The following KATNAL1 variants were observed in gnomAD, a reference collection of about 807,000 sequenced individuals.
KATNAL1 encodes the protein katanin catalytic subunit A1 like 1.
A neutral mutation model predicts 55.2 loss-of-function variants in KATNAL1; 32 were observed. That is an observed-to-expected ratio of 0.58 (90% CI 0.44 to 0.78). KATNAL1 has a LOEUF of 0.78. Ranked by LOEUF, KATNAL1 falls within the 30% of genes least tolerant of loss-of-function variation. The pLI, the probability that KATNAL1 is intolerant of heterozygous loss-of-function variation, is 0.00. For synonymous variants in KATNAL1, 193 were observed against 193.6 expected (o/e 1.00, Z 0.02); for missense variants, 466 against 600.9 (o/e 0.78, Z 2.35).
chr13:30,306,264 T>C (rs1428515963), intron 1 of KATNAL1, among the ~76,000 whole-genome samples: 2 of 152,188 alleles, frequency 1.3e-5, no homozygotes, highest in Non-Finnish European at 2.9e-5. Context: ...ATAAAAAATA[T>C]ATAAAGAATT....
intron 4 of KATNAL1, 78 bp downstream of exon 4, chr13:30,255,369 A>C (rs1323901588): frequency 8.2e-7 from 1 of 1,224,142 alleles, no homozygotes; most frequent in Non-Finnish European, 1.1e-6. Context: ...GGGTATCTTG[A>C]AAAGCCAACA....
intron 3 of KATNAL1, among the ~76,000 whole-genome samples, chr13:30,274,598 G>GT (rs984539865): frequency 3.3e-5 from 5 of 152,144 alleles, no homozygotes; most frequent in African/African-American, 1.2e-4. Context: ...CCCAAAAGAT[G>GT]TAACTTTGAA....
intron 3 of KATNAL1, among the ~76,000 whole-genome samples, chr13:30,267,625 C>T (rs1032109469): frequency 1.3e-5 from 2 of 152,168 alleles, no homozygotes; most frequent in Non-Finnish European, 2.9e-5. Context: ...AATAGAACTA[C>T]AAAAATAATA....
chr13:30,235,197 G>GA (rs1419640021), intron 6 of KATNAL1, among the ~76,000 whole-genome samples: 1 of 152,050 alleles, frequency 6.6e-6, no homozygotes, highest in African/African-American at 2.4e-5. Flanking sequence ...TAATTTTAAA[G>GA]AAAAAAAGGT....
rs1042366441 is a variant in KATNAL1 at position 30,203,029 on chromosome 13, T to C, written c.*5511A>G. On this transcript the variant is annotated 3_prime_UTR_variant, in exon 11 of 11. Transcript: ENST00000380615. ...TTTTTAGAGAATGAACATAGGAACA[T>C]GTAGGATCCACAATTTTTAATGTCA... 2.6e-5 allele frequency: 4 copies of C among 152,244 alleles called. No homozygotes were observed. Among genetic ancestry groups the C allele is most frequent in the Admixed American group, 6.5e-5 (1 of 15,278 alleles). 9.4% of individuals were successfully genotyped at this position (152,244 alleles called of 1,614,324 possible).
chr13:30,271,827 G>A (rs1178703161), intron 3 of KATNAL1, among the ~76,000 whole-genome samples: 1 of 132,334 alleles, frequency 7.6e-6, no homozygotes, highest in African/African-American at 2.8e-5. Flanking sequence ...GGACTAGGGA[G>A]CAACAAGTGG....
intron 9 of KATNAL1, among the ~76,000 whole-genome samples, chr13:30,219,333 T>G (rs1461592274): frequency 6.6e-6 from 1 of 152,220 alleles, no homozygotes; most frequent in East Asian, 1.9e-4. Flanking sequence ...CTATTCATTT[T>G]CAAGCACCCA....
chr13:30,251,521 A>G (rs573260821), intron 4 of KATNAL1, among the ~76,000 whole-genome samples: 1 of 152,298 alleles, frequency 6.6e-6, no homozygotes, highest in South Asian at 2.1e-4. Flanking sequence ...TCCATCCTGT[A>G]AGGACACATA....
At chr13:30,242,413 C>T (rs1055935448) in intron 4 of KATNAL1, among the ~76,000 whole-genome samples, 1 of 152,138 alleles carries the variant, frequency 6.6e-6, no homozygotes, top group East Asian at 1.9e-4. Context: ...GCATCTTCTA[C>T]GTGCAATACA....
intron 3 of KATNAL1, among the ~76,000 whole-genome samples, chr13:30,278,114 C>A (rs1881001885): frequency 6.6e-6 from 1 of 151,122 alleles, no homozygotes. Context: ...CTATTAATCC[C>A]ATGCTATTAC....
rs1415059283 is a variant in KATNAL1 at position 30,269,931 on chromosome 13, G to A, written c.323+10132C>T. 9.5e-3 allele frequency among the ~76,000 whole-genome samples: 1,411 copies of A among 148,378 alleles called. 19 individuals are homozygous for A. Among genetic ancestry groups the A allele is most frequent in the African/African-American group, 0.032 (1,283 of 40,070 alleles). On this transcript the variant is annotated intron_variant, in intron 3 of 10. Transcript: ENST00000380615. ...AGCCCCCTGCCCGGCCAGCCGCCCC[G>A]TCCGGGAGGTGAGGGGCACCTCTGC...
intron 1 of KATNAL1, among the ~76,000 whole-genome samples, chr13:30,295,575 G>A (rs1318250041): frequency 6.6e-6 from 1 of 151,964 alleles, no homozygotes; most frequent in Non-Finnish European, 1.5e-5. Context: ...ACCAGCCTGG[G>A]CAACACAGCA....
At chr13:30,301,366 C>T (rs1426305812) in intron 1 of KATNAL1, among the ~76,000 whole-genome samples, 1 of 151,952 alleles carries the variant, frequency 6.6e-6, no homozygotes, top group Non-Finnish European at 1.5e-5. Context: ...GAGACTCTGT[C>T]TGAAAAAAAC....
chr13:30,218,336 AAG>A (rs1010050513), intron 9 of KATNAL1, among the ~76,000 whole-genome samples: 14 of 151,948 alleles, frequency 9.2e-5, no homozygotes, highest in African/African-American at 3.4e-4. Flanking sequence ...GAACTAAATG[AAG>A]AGAGGTTGAG....
chr13:30,277,799 C>T (rs867112837), intron 3 of KATNAL1, among the ~76,000 whole-genome samples: 3 of 151,158 alleles, frequency 2.0e-5, no homozygotes, highest in Admixed American at 6.6e-5. Context: ...CCGGCTAAAA[C>T]GGTGAAACCC....
At chr13:30,268,982 C>T (rs1338817875) in intron 3 of KATNAL1, among the ~76,000 whole-genome samples, 1 of 152,174 alleles carries the variant, frequency 6.6e-6, no homozygotes, top group African/African-American at 2.4e-5. Flanking sequence ...TGGTAACACA[C>T]ACACAATATA....
intron 9 of KATNAL1, among the ~76,000 whole-genome samples, chr13:30,226,114 T>C (rs1347436848): frequency 6.6e-6 from 1 of 152,148 alleles, no homozygotes; most frequent in Non-Finnish European, 1.5e-5. Flanking sequence ...GAAATTAAAA[T>C]AGTGACAACA....
chr13:30,269,177 C>T (rs1880028730), intron 3 of KATNAL1, among the ~76,000 whole-genome samples: 1 of 152,240 alleles, frequency 6.6e-6, no homozygotes, highest in South Asian at 2.1e-4. Flanking sequence ...ACTGCAACCT[C>T]CCTGCCTGAT....
At chr13:30,249,988 ACTC>A (rs1393809671) in intron 4 of KATNAL1, among the ~76,000 whole-genome samples, 1 of 151,938 alleles carries the variant, frequency 6.6e-6, no homozygotes, top group Non-Finnish European at 1.5e-5. Flanking sequence ...AATACGCAAA[ACTC>A]CTCACATCCT....
Sources: allele counts gnomAD v4.1 joint callset (sites outside exome capture counted in the v4.1 genomes callset), GRCh38; gene constraint gnomAD v4.1.1; transcripts MANE v1.5; gene names NCBI Gene and HGNC (gene_info 2026-07-23, HGNC 2026-07-21).